ZNF385D: variants seen among roughly 807,000 people sequenced by gnomAD.
ZNF385D encodes the protein zinc finger protein 659.
A neutral mutation model predicts 35.8 loss-of-function variants in ZNF385D; 15 were observed. The observed-to-expected ratio is 0.42, with a 90% CI of 0.28 to 0.64. The LOEUF (loss-of-function observed/expected upper bound fraction) is 0.64. Among genes scored for constraint, ZNF385D ranks in the 30% least tolerant of loss-of-function variants. The pLI, the probability that ZNF385D is intolerant of heterozygous loss-of-function variation, is 0.23. For synonymous variants in ZNF385D, 212 were observed against 186.8 expected, an observed-to-expected ratio of 1.13 and a Z score of -1.10; for missense variants, 474 against 494.6, an observed-to-expected ratio of 0.96 and a Z score of 0.39.
intron 2 of ZNF385D, among the ~76,000 whole-genome samples, chr3:22,325,656 G>A (rs138183989): frequency 0.023 from 3,531 of 152,154 alleles, 147 homozygotes; most frequent in African/African-American, 0.078. Context: ...CTACTCAGGA[G>A]GCTGAGGCAG....
intron 3 of ZNF385D, among the ~76,000 whole-genome samples, chr3:21,535,503 C>T (rs905659853): frequency 1.1e-4 from 16 of 152,122 alleles, no homozygotes; most frequent in African/African-American, 3.9e-4. Context: ...ACATCTCTAT[C>T]TGCTCCTGTT....
chr3:21,718,375 A>C (rs1482024015), intron 1 of ZNF385D, among the ~76,000 whole-genome samples: 1 of 152,218 alleles, frequency 6.6e-6, no homozygotes, highest in Non-Finnish European at 1.5e-5. Context: ...AAGCCCAGTC[A>C]GAAGACTAAG....
chr3:22,071,691 G>T (rs912914279), intron 3 of ZNF385D, among the ~76,000 whole-genome samples: 5 of 152,032 alleles, frequency 3.3e-5, no homozygotes, highest in Non-Finnish European at 5.9e-5. Context: ...TTCTTGGGGT[G>T]GCAGATGAAT....
At chr3:21,634,899 A>G (rs1485785244) in intron 2 of ZNF385D, among the ~76,000 whole-genome samples, 1 of 152,044 alleles carries the variant, frequency 6.6e-6, no homozygotes, top group Admixed American at 6.6e-5. Context: ...AAGAAATGTA[A>G]TTTAAAATGT....
rs146894504 is a variant in ZNF385D, at chr3:22,123,250, A to T, written c.325+45567T>A. Reference sequence around the variant, plus strand: ...ACTGAATTACCAAGAAGGTAGGAGGAGTAGATCTTAAAGTGAGAAGTTCAA... The same window carrying T: ...ACTGAATTACCAAGAAGGTAGGAGGTGTAGATCTTAAAGTGAGAAGTTCAA... On this transcript the variant is annotated intron_variant, in intron 3 of 5. Coordinates refer to the ZNF385D transcript ENST00000494108. Among the ~76,000 whole-genome samples, 389 of 152,190 alleles carry T rather than the reference A, an allele frequency of 2.6e-3. 1 individual carries two copies. Among genetic ancestry groups the T allele is most frequent in the Non-Finnish European group, 4.4e-3 (301 of 67,994 alleles).
intron 2 of ZNF385D, among the ~76,000 whole-genome samples, chr3:22,339,463 A>G (rs1695324332): frequency 6.6e-6 from 1 of 152,190 alleles, no homozygotes; most frequent in South Asian, 2.1e-4. Context: ...CTCTACCATC[A>G]AAGGGTTCTT....
chr3:22,346,971 C>T (rs1042434730), intron 2 of ZNF385D, among the ~76,000 whole-genome samples: 1 of 152,146 alleles, frequency 6.6e-6, no homozygotes, highest in African/African-American at 2.4e-5. Context: ...GACAAGTATC[C>T]ACCTAAGTAG....
intron 2 of ZNF385D, among the ~76,000 whole-genome samples, chr3:21,612,515 A>G (rs1452698155): frequency 1.3e-5 from 2 of 152,192 alleles, no homozygotes; most frequent in East Asian, 3.9e-4. Flanking sequence ...TTGGGGAAAT[A>G]TATATTTAAC....
chr3:21,701,479 A>G (rs1475885333), intron 1 of ZNF385D, among the ~76,000 whole-genome samples: 1 of 152,136 alleles, frequency 6.6e-6, no homozygotes, highest in East Asian at 1.9e-4. Flanking sequence ...ATTCAACTTG[A>G]GATTTGGGTG....
At chr3:21,766,787 A>C (rs958963071) in intron 3 of ZNF385D, among the ~76,000 whole-genome samples, 1 of 152,070 alleles carries the variant, frequency 6.6e-6, no homozygotes, top group African/African-American at 2.4e-5. Context: ...GAAATAAAGT[A>C]GTGGAGATCC....
intron 2 of ZNF385D, among the ~76,000 whole-genome samples, chr3:22,194,853 T>A (rs1284321971): frequency 6.6e-6 from 1 of 151,914 alleles, no homozygotes; most frequent in Non-Finnish European, 1.5e-5. Context: ...TGAGAATTTC[T>A]CCATAGTATG....
chr3:21,479,150 G>GT (rs11435047), intron 4 of ZNF385D, among the ~76,000 whole-genome samples: 78,742 of 146,944 alleles, frequency 0.54, 21,239 homozygotes, highest in East Asian at 0.87. Context: ...TAGAAGTATT[G>GT]TTTTTTTTTT....
chr3:21,882,761 G>A (rs1698344340), intron 3 of ZNF385D, among the ~76,000 whole-genome samples: 1 of 151,986 alleles, frequency 6.6e-6, no homozygotes. Context: ...ATTTTCATTA[G>A]ACCATGTACA....
chr3:22,183,836 G>GT lies in ZNF385D; in HGVS notation c.107-14802dup, dbSNP rs1229512626. ...TTTTTTCACCTTTTCTGTAGCTTTA[G>GT]TTTTTTTTTTAAATTTAGTTTTCAA... On this transcript the variant is annotated intron_variant, in intron 2 of 5. Transcript: ENST00000494108. Among the ~76,000 whole-genome samples the GT allele has an allele frequency of 4.1e-4, 60 of 145,702 alleles. No homozygotes were observed. In the South Asian group the frequency reaches 5.2e-3, roughly 13 times the overall value.
chr3:21,967,536 C>A (rs368318047), intron 3 of ZNF385D, among the ~76,000 whole-genome samples: 4 of 152,128 alleles, frequency 2.6e-5, no homozygotes, highest in African/African-American at 9.7e-5. Flanking sequence ...AGGGCCAGTT[C>A]CTGGAGAGAA....
intron 2 of ZNF385D, among the ~76,000 whole-genome samples, chr3:22,330,949 G>A (rs1275436552): frequency 6.6e-6 from 1 of 151,998 alleles, no homozygotes; most frequent in African/African-American, 2.4e-5. Flanking sequence ...GTCTTTCTGG[G>A]GTATGGCTAT....
chr3:22,049,654 T>A (rs1358752575), intron 3 of ZNF385D, among the ~76,000 whole-genome samples: 1 of 152,210 alleles, frequency 6.6e-6, no homozygotes, highest in African/African-American at 2.4e-5. Context: ...CGTGGACTTA[T>A]CATATATGGC....
intron 2 of ZNF385D, among the ~76,000 whole-genome samples, chr3:21,598,573 C>T (rs1300016500): frequency 6.6e-6 from 1 of 151,962 alleles, no homozygotes. Flanking sequence ...AGCTTTCTGC[C>T]CAACAGACAA....
intron 2 of ZNF385D, among the ~76,000 whole-genome samples, chr3:22,333,377 CTT>C (rs1325429604): frequency 6.6e-6 from 1 of 152,108 alleles, no homozygotes; most frequent in Non-Finnish European, 1.5e-5. Flanking sequence ...TCACCGTACT[CTT>C]TTTCTTCTGT....
Sources: gnomAD v4.1 joint callset for allele counts (sites outside exome capture counted in the v4.1 genomes callset) on GRCh38, gnomAD v4.1.1 for gene constraint, MANE v1.5 for transcripts, NCBI Gene and HGNC (gene_info 2026-07-23, HGNC 2026-07-21) for gene names.